EYS: variants seen among roughly 807,000 people sequenced by gnomAD.
EYS encodes the protein EGF-like photoreceptor maintenance factor, also known as protein eyes shut homolog.
In EYS, 250 loss-of-function variants were observed where a neutral mutation model predicts 282.1. That is an observed-to-expected ratio of 0.89 (90% CI 0.80 to 0.98). The LOEUF (loss-of-function observed/expected upper bound fraction) is 0.98. EYS is among the 50% of genes least tolerant of loss of function. The pLI, the probability that EYS is intolerant of heterozygous loss-of-function variation, is 0.00. For synonymous variants in EYS, 1,355 were observed against 1,282.9 expected (o/e 1.06, Z -1.20); for missense variants, 4,016 against 3,709.0 (o/e 1.08, Z -2.15).
chr6:65,480,984 A>G (rs1258040526), intron 5 of EYS, among the ~76,000 whole-genome samples: 5 of 152,128 alleles, frequency 3.3e-5, no homozygotes, highest in Admixed American at 6.6e-5. Context: ...GGATAGGGAC[A>G]GTTTGGTTAC....
At chr6:65,078,749 C>A (rs1002021958) in intron 12 of EYS, among the ~76,000 whole-genome samples, 4 of 151,832 alleles carry the variant, frequency 2.6e-5, no homozygotes, top group African/African-American at 9.7e-5. Context: ...TGTCCCTGCC[C>A]AAATCTCATG....
At chr6:64,592,084 C>A in intron 25 of EYS, 95 bp from the exon 26 acceptor site, 1 of 741,674 alleles carries the variant, frequency 1.3e-6, no homozygotes, top group East Asian at 2.8e-5. Flanking sequence ...TGCACTGGCA[C>A]CTTACATCCA....
intron 26 of EYS, among the ~76,000 whole-genome samples, chr6:64,535,697 C>T (rs1764497424): frequency 6.6e-6 from 1 of 151,872 alleles, no homozygotes. Flanking sequence ...CATGATTGTG[C>T]CCGCTGCTCT....
At chr6:64,657,275 T>C (rs894100525) in intron 22 of EYS, among the ~76,000 whole-genome samples, 2 of 152,202 alleles carry the variant, frequency 1.3e-5, no homozygotes, top group Non-Finnish European at 2.9e-5. Flanking sequence ...GTTTCCTGAA[T>C]ACAGCACACT....
intron 35 of EYS, among the ~76,000 whole-genome samples, chr6:63,888,616 T>G (rs1773327402): frequency 6.6e-6 from 1 of 151,540 alleles, no homozygotes. Context: ...AGGATGACCA[T>G]GCAAAAACTC....
At chr6:64,128,223 A>G (rs1238632122) in intron 31 of EYS, among the ~76,000 whole-genome samples, 1 of 152,112 alleles carries the variant, frequency 6.6e-6, no homozygotes, top group Non-Finnish European at 1.5e-5. Flanking sequence ...GGATGTTTCA[A>G]TTGCATTTCT....
intron 29 of EYS, among the ~76,000 whole-genome samples, chr6:64,384,270 T>TA (rs547660934): frequency 1.2e-4 from 19 of 152,050 alleles, no homozygotes; most frequent in African/African-American, 2.2e-4. Context: ...CACTAGAAAT[T>TA]AAAAAAAATT....
chr6:63,750,574 G>A (rs1769319072), intron 41 of EYS, among the ~76,000 whole-genome samples: 1 of 152,142 alleles, frequency 6.6e-6, no homozygotes, highest in Admixed American at 6.6e-5. Flanking sequence ...AGGTGGTACA[G>A]AAATGAGTCC....
intron 11 of EYS, among the ~76,000 whole-genome samples, chr6:65,306,857 AAAAAAG>A (rs1769023387): frequency 7.0e-6 from 1 of 143,284 alleles, no homozygotes; most frequent in Non-Finnish European, 1.5e-5. Context: ...AAAAAAAAAA[AAAAAAG>A]AAAGTCTAGA....
rs147564158 is a variant in EYS, at chr6:64,779,400, A to G, written c.3443+33978T>C. The stretch of plus-strand genomic sequence containing the variant: ...GAGGAAGCCAATCTGAAAAGTCTAT[A>G]TACTGTATGATTCTTATTATATGAC... On this transcript the variant is annotated intron_variant, in intron 22 of 42. Transcript: ENST00000503581. Among the ~76,000 whole-genome samples, 199 of 152,198 alleles carry G rather than the reference A, an allele frequency of 1.3e-3. 2 individuals are homozygous for G. The highest frequency in any genetic ancestry group is 4.6e-3 in the African/African-American group (190 of 41,548).
chr6:64,314,509 C>G (rs1197932721), intron 29 of EYS, among the ~76,000 whole-genome samples: 1 of 151,758 alleles, frequency 6.6e-6, no homozygotes, highest in Admixed American at 6.6e-5. Flanking sequence ...CACACTTATT[C>G]TAAAATTGAC....
At chr6:64,643,115 C>CCT (rs1554188080) in intron 22 of EYS, among the ~76,000 whole-genome samples, 6 of 102,570 alleles carry the variant, frequency 5.8e-5, no homozygotes, top group Admixed American at 3.3e-4. Flanking sequence ...AACTCCATCC[C>CCT]CCCCCCCAAA....
intron 22 of EYS, among the ~76,000 whole-genome samples, chr6:64,753,541 T>C (rs1049303853): frequency 4.8e-5 from 7 of 145,642 alleles, no homozygotes; most frequent in Non-Finnish European, 1.1e-4. Flanking sequence ...CAGATAATGA[T>C]ACAGGGTTCA....
At chr6:65,076,210 C>T (rs1264118206) in intron 12 of EYS, among the ~76,000 whole-genome samples, 2 of 151,956 alleles carry the variant, frequency 1.3e-5, no homozygotes, top group Admixed American at 1.3e-4. Flanking sequence ...CATTGTATCA[C>T]TCTTTTATTG....
chr6:64,335,364 C>T (rs1258635057), intron 29 of EYS, among the ~76,000 whole-genome samples: 1 of 148,862 alleles, frequency 6.7e-6, no homozygotes, highest in Non-Finnish European at 1.5e-5. Context: ...AAGTTTATTA[C>T]AGGCCCAGCG....
At chr6:64,955,521 T>C (rs1769669841) in intron 14 of EYS, among the ~76,000 whole-genome samples, 1 of 152,104 alleles carries the variant, frequency 6.6e-6, no homozygotes, top group African/African-American at 2.4e-5. Context: ...GGAAAAAATA[T>C]GGTTAAGAAC....
rs369101662 is a variant in EYS, at chr6:64,729,726, AC to A, written c.3443+83651del. Among the ~76,000 whole-genome samples the A allele has an allele frequency of 9.5e-3, 1,440 of 152,218 alleles. 8 individuals carry two copies. Among genetic ancestry groups the A allele is most frequent in the South Asian group, 0.018 (89 of 4,822 alleles). On this transcript the variant is annotated intron_variant, in intron 22 of 42. Coordinates refer to ENST00000503581, the MANE Select transcript of EYS (RefSeq NM_001142800.2). ...AAAAACCGCAATAACTTTTGCACCAACCTAATACATGCCAATGAGTTTTGAT... is the reference window on the plus strand; with the variant it reads ...AAAAACCGCAATAACTTTTGCACCAACTAATACATGCCAATGAGTTTTGAT...
At chr6:64,993,227 G>C (rs1184122853) in intron 14 of EYS, among the ~76,000 whole-genome samples, 2 of 151,896 alleles carry the variant, frequency 1.3e-5, no homozygotes, top group African/African-American at 4.8e-5. Context: ...GTCTATCATT[G>C]TTGGACATTT....
At chr6:63,756,186 G>C (rs1019742103) in intron 41 of EYS, among the ~76,000 whole-genome samples, 3 of 152,188 alleles carry the variant, frequency 2.0e-5, no homozygotes, top group Non-Finnish European at 4.4e-5. Context: ...TGGTGAGAGA[G>C]AGCATCCTTG....
Sources: gnomAD v4.1 joint callset for allele counts (sites outside exome capture counted in the v4.1 genomes callset) on GRCh38, gnomAD v4.1.1 for gene constraint, MANE v1.5 for transcripts, NCBI Gene and HGNC (gene_info 2026-07-23, HGNC 2026-07-21) for gene names.